Variants in CBLB observed in about 807,000 individuals in gnomAD.
CBLB encodes the protein Cbl proto-oncogene B.
CBLB carries 31 observed loss-of-function variants against 104.9 expected under a neutral mutation model. The ratio of observed to expected loss-of-function variants is 0.30; its 90% CI spans 0.22 to 0.40. CBLB has a LOEUF of 0.40. CBLB is among the 10% of genes least tolerant of loss of function. CBLB has a pLI of 1.00. For synonymous variants in CBLB, 440 were observed against 422.6 expected (o/e 1.04, Z -0.51); for missense variants, 1,062 against 1,214.6 (o/e 0.87, Z 1.87).
chr3:105,811,680 T>C (rs9866153), intron 3 of CBLB, among the ~76,000 whole-genome samples: 149,410 of 152,304 alleles, frequency 0.98, 73,358 homozygotes, highest in East Asian at 1. Flanking sequence ...TTCCATCAAG[T>C]TCTGTAATTC....
At position 105,805,245 on chromosome 3, in the gene CBLB, C is replaced by T. The variant is rs189808755; in HGVS notation, c.420-28703G>A. ...TGACATTCATTCTCTCCAGGCCAAACGAGAAAATCCCAGCCACATTTCTTA... is the reference window on the plus strand; with the variant it reads ...TGACATTCATTCTCTCCAGGCCAAATGAGAAAATCCCAGCCACATTTCTTA... On this transcript the variant is annotated intron_variant, in intron 3 of 18. Transcript: ENST00000394030. 2.0e-4 allele frequency among the ~76,000 whole-genome samples: 30 copies of T among 152,008 alleles called. 1 individual carries two copies. In the East Asian group the frequency reaches 4.6e-3, roughly 24 times the overall value.
intron 3 of CBLB, among the ~76,000 whole-genome samples, chr3:105,802,930 G>A (rs1016392332): frequency 6.6e-6 from 1 of 152,170 alleles, no homozygotes; most frequent in African/African-American, 2.4e-5. Context: ...CATTACACCA[G>A]TGTAATTTAA....
intron 10 of CBLB, among the ~76,000 whole-genome samples, chr3:105,712,748 A>G (rs2071289354): frequency 6.6e-6 from 1 of 152,236 alleles, no homozygotes; most frequent in Non-Finnish European, 1.5e-5. Context: ...ATGGTTTAAC[A>G]GTAAATTATT....
intron 4 of CBLB, among the ~76,000 whole-genome samples, chr3:105,753,310 A>T (rs894277080): frequency 6.6e-6 from 1 of 152,148 alleles, no homozygotes; most frequent in African/African-American, 2.4e-5. Flanking sequence ...ATACCACATC[A>T]GATGCCATTT....
At position 105,751,458 on chromosome 3, in the gene CBLB, T is replaced by G. The variant is rs768430412; in HGVS notation, c.723+4A>C. 19 of 1,601,706 alleles carry G rather than the reference T, an allele frequency of 1.2e-5. No homozygotes were observed. The highest frequency in any genetic ancestry group is 1.6e-5 in the Non-Finnish European group (19 of 1,169,246). ...ATGGATAGACTAAGCAAGTATAAAC[T>G]TACCTGAAACAGCCTGGTAAAAATA... On this transcript the variant is annotated splice_donor_region_variant and intron_variant, in intron 5 of 18. Coordinates refer to ENST00000394030, the MANE Select transcript of CBLB (RefSeq NM_170662.5).
chr3:105,867,273 G>T (rs2092478508), intron 2 of CBLB, 137 bp downstream of exon 2: 2 of 947,002 alleles, frequency 2.1e-6, no homozygotes, highest in South Asian at 1.4e-5. Flanking sequence ...ACACAGAGTT[G>T]AAGAAAAATG....
intron 9 of CBLB, among the ~76,000 whole-genome samples, chr3:105,723,014 C>T (rs1295246056): frequency 6.6e-6 from 1 of 152,130 alleles, no homozygotes; most frequent in African/African-American, 2.4e-5. Context: ...CAAACAGCTG[C>T]AATGACCATT....
chr3:105,688,209 T>C (rs925848072), intron 13 of CBLB, among the ~76,000 whole-genome samples: 3 of 152,038 alleles, frequency 2.0e-5, no homozygotes, highest in African/African-American at 7.2e-5. Flanking sequence ...AAGCCTACCA[T>C]TACACTTATT....
intron 17 of CBLB, 82 bp downstream of exon 17, chr3:105,678,349 A>G: frequency 7.4e-7 from 1 of 1,351,776 alleles, no homozygotes; most frequent in East Asian, 2.3e-5. Context: ...AGACTAATGA[A>G]TCACTAACAT....
Position 105,657,857 on chromosome 3 carries a change from C to T in CBLB, c.*1113G>A, listed in dbSNP as rs2063450485. 1 of 209,398 alleles carries T rather than the reference C, an allele frequency of 4.8e-6. No homozygotes were observed. Among genetic ancestry groups the T allele is most frequent in the Admixed American group, 5.9e-5 (1 of 16,976 alleles). The allele number at this position is 209,398 out of a possible 1,614,324, so 13.0% of individuals were successfully genotyped here. A position where few individuals can be genotyped will look rare whatever the true frequency, so the allele number is the denominator to read the frequency against. Reference sequence around the variant, plus strand: ...TTGCAAAAAACATTGCCACAGTAGCCTTGACACTCAACAGTGCAACGAAGA... The same window carrying T: ...TTGCAAAAAACATTGCCACAGTAGCTTTGACACTCAACAGTGCAACGAAGA... On this transcript the variant is annotated 3_prime_UTR_variant, in exon 19 of 19. Transcript: ENST00000394030.
intron 17 of CBLB, among the ~76,000 whole-genome samples, chr3:105,677,459 GAGGCATATACGTAGCTAA>G (rs941441443): frequency 1.3e-5 from 2 of 151,688 alleles, no homozygotes; most frequent in African/African-American, 4.8e-5. Context: ...AAGTTTCCAT[GAGGCATATACGTAGCTAA>G]AGGACAAACT....
In CBLB at chr3:105,852,748, T is replaced by C. The variant is rs75507793; in HGVS notation, c.419+666A>G. Among the ~76,000 whole-genome samples the C allele has an allele frequency of 6.4e-3, 968 of 152,136 alleles. 32 individuals carry two copies. Among genetic ancestry groups the C allele is most frequent in the East Asian group, 0.055 (282 of 5,170 alleles). ...CCATTTTTATCTTTTATACAGTATT[T>C]TTTTTTTTGTCCAGGCTGGAGTGCA... On this transcript the variant is annotated intron_variant, in intron 3 of 18. Transcript: ENST00000394030.
intron 3 of CBLB, among the ~76,000 whole-genome samples, chr3:105,836,367 G>A (rs546434520): frequency 6.6e-6 from 1 of 152,290 alleles, no homozygotes; most frequent in South Asian, 2.1e-4. Flanking sequence ...GGATTTGGGA[G>A]TGTCCTCAAT....
At chr3:105,849,679 A>G (rs1198078590) in intron 3 of CBLB, among the ~76,000 whole-genome samples, 1 of 152,106 alleles carries the variant, frequency 6.6e-6, no homozygotes, top group Non-Finnish European at 1.5e-5. Flanking sequence ...TTACCACATC[A>G]TATATGATTA....
chr3:105,823,902 C>T (rs566519525), intron 3 of CBLB, among the ~76,000 whole-genome samples: 1 of 152,212 alleles, frequency 6.6e-6, no homozygotes, highest in African/African-American at 2.4e-5. Flanking sequence ...CTTCTTAGGC[C>T]CTCAAACTCA....
chr3:105,826,996 T>C (rs969683230), intron 3 of CBLB, among the ~76,000 whole-genome samples: 2 of 152,286 alleles, frequency 1.3e-5, no homozygotes, highest in Non-Finnish European at 2.9e-5. Context: ...GCATAATGAA[T>C]GTGATGGAAT....
chr3:105,818,208 A>G (rs1049684250), intron 3 of CBLB, among the ~76,000 whole-genome samples: 2 of 152,186 alleles, frequency 1.3e-5, no homozygotes, highest in African/African-American at 4.8e-5. Flanking sequence ...AAATGTATTT[A>G]TAGGTCTAAT....
intron 2 of CBLB, among the ~76,000 whole-genome samples, chr3:105,861,706 C>CACACATAA (rs572690248): frequency 6.7e-6 from 1 of 150,044 alleles, no homozygotes; most frequent in African/African-American, 2.5e-5. Flanking sequence ...CACACACACA[C>CACACATAA]ATACATACAC....
chr3:105,743,808 G>C (rs1336188976), intron 6 of CBLB, among the ~76,000 whole-genome samples: 1 of 149,204 alleles, frequency 6.7e-6, no homozygotes, highest in African/African-American at 2.5e-5. Flanking sequence ...ATTCATTAAG[G>C]GTGTTTTCCT....
Sources: allele counts gnomAD v4.1 joint callset (sites outside exome capture counted in the v4.1 genomes callset), GRCh38; gene constraint gnomAD v4.1.1; transcripts MANE v1.5; gene names NCBI Gene and HGNC (gene_info 2026-07-23, HGNC 2026-07-21).